Variants in TPM4 observed in about 807,000 individuals in gnomAD.
TPM4 encodes the protein tropomyosin alpha-4 chain.
TPM4 carries 17 observed loss-of-function variants against 35.8 expected under a neutral mutation model. The ratio of observed to expected loss-of-function variants is 0.47; its 90% CI spans 0.32 to 0.71. TPM4 has a LOEUF of 0.71. Ranked by LOEUF, TPM4 falls within the 30% of genes least tolerant of loss-of-function variation. TPM4 has a pLI of 0.03. For synonymous variants in TPM4, 120 were observed against 122.9 expected, an observed-to-expected ratio of 0.98 and a Z score of 0.15; for missense variants, 240 against 320.9, an observed-to-expected ratio of 0.75 and a Z score of 1.93.
At position 16,089,235 on chromosome 19, in the gene TPM4, G is replaced by T; in HGVS notation, c.531+115G>T. On this transcript the variant is annotated intron_variant, in intron 5 of 7. Transcript: ENST00000643579. ...AATCTGCCCTTTATTTAACAGTAGC[G>T]TTGGTGCCTGGCAGCCAGGGTTTTT... 3 of 1,365,500 alleles carry T rather than the reference G, an allele frequency of 2.2e-6. No homozygotes were observed. The South Asian group carries it at 3.9e-5, about 18-fold the overall frequency. 84.6% of individuals were successfully genotyped at this position (1,365,500 alleles called of 1,614,324 possible).
intron 7 of TPM4, among the ~76,000 whole-genome samples, chr19:16,096,954 T>C (rs1178800586): frequency 8.3e-6 from 1 of 119,966 alleles, no homozygotes; most frequent in African/African-American, 4.0e-5. Context: ...TTTTTTTTTT[T>C]TTTTTTTTTT....
rs1412009818 is a variant in TPM4, at chr19:16,081,284, A to AAC, written c.133-628_133-627dup. On this transcript the variant is annotated intron_variant, in intron 1 of 7. Transcript: ENST00000643579. ...AAGAGCCTATCTTAGATCTTAGCCT[A>AAC]ACGTTGGGTCTATTGTGTTGCTGGA... The AAC allele has an allele frequency of 1.3e-5, 5 of 388,806 alleles. No individual in the cohort carries two copies. The Admixed American group carries it at 1.3e-4, about 10-fold the overall frequency. 24.1% of individuals were successfully genotyped at this position (388,806 alleles called of 1,614,324 possible). A position where few individuals can be genotyped will look rare whatever the true frequency, so the allele number is the denominator to read the frequency against.
intron 3 of TPM4, 95 bp from the exon 4 acceptor site, chr19:16,087,932 G>A: frequency 7.6e-7 from 1 of 1,316,612 alleles, no homozygotes; most frequent in Non-Finnish European, 1.1e-6. Context: ...TGGTCTAGGG[G>A]TCTGGGTGGG....
At chr19:16,091,303 C>T (rs1599379653) in intron 5 of TPM4, among the ~76,000 whole-genome samples, 2 of 152,076 alleles carry the variant, frequency 1.3e-5, no homozygotes, top group Non-Finnish European at 2.9e-5. Context: ...CCACCCACCT[C>T]GGCCTCCCAA....
At chr19:16,081,866 G>A in intron 1 of TPM4, 47 bp from the exon 2 acceptor site, 7 of 1,529,558 alleles carry the variant, frequency 4.6e-6, no homozygotes, top group Non-Finnish European at 5.3e-6. Flanking sequence ...TCCCACTGGT[G>A]GCTGGCCTGA....
chr19:16,099,363 C>T (rs1396140454), intron 7 of TPM4, among the ~76,000 whole-genome samples: 5 of 146,452 alleles, frequency 3.4e-5, no homozygotes, highest in African/African-American at 9.9e-5. Context: ...TTTGGGAGGC[C>T]GAGGTGGGTG....
Position 16,076,508 on chromosome 19 carries a change from C to T in TPM4, c.-58C>T. On this transcript the variant is annotated 5_prime_UTR_variant, in exon 1 of 8. Transcript: ENST00000643579. ...CGGGGCGCGGCTGTGCAGCTCTCGC[C>T]GGAGCCGAGCCCAGCCGAGCGTCCG... 3 of 1,368,228 alleles carry T rather than the reference C, an allele frequency of 2.2e-6. No individual in the cohort carries two copies. Among genetic ancestry groups the T allele is most frequent in the African/African-American group, 1.5e-5 (1 of 65,402 alleles). 84.8% of individuals were successfully genotyped at this position (1,368,228 alleles called of 1,614,324 possible).
upstream of TPM4, chr19:16,076,043 C>T (rs955378786): frequency 1.0e-5 from 16 of 1,606,880 alleles, no homozygotes; most frequent in Admixed American, 1.9e-4. Flanking sequence ...TCTGTCGTCC[C>T]CAGGTGGAGG....
Position 16,078,230 on chromosome 19 carries a change from TAGAA to T in TPM4, c.132+1534_132+1537del, listed in dbSNP as rs542645018. On this transcript the variant is annotated intron_variant, in intron 1 of 7. Coordinates refer to ENST00000643579, the MANE Select transcript of TPM4 (RefSeq NM_003290.3). ...AAAATGGAGGTTGAGCTGGGTCTTA[TAGAA>T]TAAATAAGTTTGCTGGGACCAGAGA... 344 of 398,196 alleles carry T rather than the reference TAGAA, an allele frequency of 8.6e-4. 3 individuals carry two copies. The highest frequency in any genetic ancestry group is 6.2e-3 in the African/African-American group (303 of 48,642). 24.7% of individuals were successfully genotyped at this position (398,196 alleles called of 1,614,324 possible). A position where few individuals can be genotyped will look rare whatever the true frequency, so the allele number is the denominator to read the frequency against.
intron 7 of TPM4, chr19:16,095,710 A>G: frequency 2.0e-6 from 1 of 504,494 alleles, no homozygotes; most frequent in South Asian, 8.7e-5. Context: ...GTGCTCTCAG[A>G]TACCGCTGTT....
chr19:16,073,581 T>C (rs2090375100), upstream of TPM4, among the ~76,000 whole-genome samples: 1 of 152,252 alleles, frequency 6.6e-6, no homozygotes, highest in East Asian at 1.9e-4. Context: ...TCAGGCCCTA[T>C]AGACTCTGAC....
upstream of TPM4, among the ~76,000 whole-genome samples, chr19:16,072,501 G>C (rs950566332): frequency 6.6e-6 from 1 of 152,234 alleles, no homozygotes; most frequent in Non-Finnish European, 1.5e-5. Flanking sequence ...AAGCAAACCA[G>C]CTTTGGAATC....
chr19:16,067,809 G>C lies in TPM4; in HGVS notation c.114+71G>C. ...TCTGTGCGGAAGGCCGGGGTCTGGA[G>C]CCCAGTTGGGGGTCGCAGACACCTG... On this transcript the variant is annotated intron_variant, in intron 2 of 2. Coordinates refer to the TPM4 transcript ENST00000589897. This position sits in a 1 kb window ranked among gnomAD's most constrained non-coding sequence, Gnocchi z 4.1. 2 of 1,460,844 alleles carry C rather than the reference G, an allele frequency of 1.4e-6. No homozygotes were observed. The highest frequency in any genetic ancestry group is 1.9e-6 in the Non-Finnish European group (2 of 1,075,724). The allele number at this position is 1,460,844 out of a possible 1,614,324, so 90.5% of individuals were successfully genotyped here. A position where few individuals can be genotyped will look rare whatever the true frequency, so the allele number is the denominator to read the frequency against.
chr19:16,087,980 C>T (rs2090578648), intron 3 of TPM4, 47 bp from the exon 4 acceptor site: 2 of 1,578,810 alleles, frequency 1.3e-6, no homozygotes, highest in Non-Finnish European at 1.7e-6. Context: ...TGGGAGAGGA[C>T]ACGGCTGGTG....
chr19:16,075,131 C>T (rs1201306100), upstream of TPM4: 1 of 151,998 alleles, frequency 6.6e-6, no homozygotes, highest in African/African-American at 2.4e-5. Context: ...TATGATCACC[C>T]TAATCCAGAG....
intron 7 of TPM4, among the ~76,000 whole-genome samples, chr19:16,097,568 C>T (rs2090716486): frequency 6.6e-6 from 1 of 152,194 alleles, no homozygotes; most frequent in Non-Finnish European, 1.5e-5. Context: ...GCCACTGCAC[C>T]TGGCCCAAGC....
chr19:16,093,789 G>A, intron 7 of TPM4, 36 bp downstream of exon 7: 1 of 1,609,940 alleles, frequency 6.2e-7, no homozygotes, highest in Non-Finnish European at 8.5e-7. Flanking sequence ...GCCTTGCCCT[G>A]CCTTCCCCTC....
intron 5 of TPM4, among the ~76,000 whole-genome samples, chr19:16,092,132 C>T (rs1437722202): frequency 6.7e-6 from 1 of 149,890 alleles, no homozygotes; most frequent in Non-Finnish European, 1.5e-5. Context: ...GAGCCGAGAT[C>T]GTACCACTGC....
At chr19:16,098,302 G>T (rs1016547793) in intron 7 of TPM4, among the ~76,000 whole-genome samples, 1 of 152,086 alleles carries the variant, frequency 6.6e-6, no homozygotes. Flanking sequence ...AATTAGCCGG[G>T]CATGGTCATG....
Sources: allele counts gnomAD v4.1 joint callset (sites outside exome capture counted in the v4.1 genomes callset), GRCh38; gene constraint gnomAD v4.1.1; non-coding constraint Gnocchi (gnomAD v3.1); transcripts MANE v1.5; gene names NCBI Gene and HGNC (gene_info 2026-07-23, HGNC 2026-07-21).